NRXN1: variants seen among roughly 807,000 people sequenced by gnomAD.
NRXN1 encodes the protein neurexin 1.
Under a neutral mutation model 150.9 loss-of-function variants are expected in NRXN1, and 39 were observed. That is an observed-to-expected ratio of 0.26 (90% CI 0.20 to 0.34). The LOEUF is 0.34. NRXN1 is among the 10% of genes least tolerant of loss of function. NRXN1 has a pLI of 1.00. For synonymous variants in NRXN1, 924 were observed against 757.0 expected (o/e 1.22, Z -3.62); for missense variants, 1,815 against 1,949.9 (o/e 0.93, Z 1.30).
At chr2:50,338,882 C>T (rs1018753714) in intron 17 of NRXN1, among the ~76,000 whole-genome samples, 3 of 152,124 alleles carry the variant, frequency 2.0e-5, no homozygotes, top group Non-Finnish European at 4.4e-5. Context: ...ACTATCCACA[C>T]TTTAGATTTT....
At chr2:50,240,181 T>G (rs2065884209) in intron 17 of NRXN1, among the ~76,000 whole-genome samples, 1 of 151,724 alleles carries the variant, frequency 6.6e-6, no homozygotes, top group Non-Finnish European at 1.5e-5. Context: ...GACTTTACAG[T>G]TTTTTAGGTT....
intron 18 of NRXN1, among the ~76,000 whole-genome samples, chr2:50,120,569 G>T (rs1343411331): frequency 6.6e-6 from 1 of 152,076 alleles, no homozygotes; most frequent in Admixed American, 6.6e-5. Context: ...AACAGGAAAT[G>T]AAAGTACAAA....
At chr2:50,814,028 G>C (rs1234524353) in intron 5 of NRXN1, among the ~76,000 whole-genome samples, 2 of 152,090 alleles carry the variant, frequency 1.3e-5, no homozygotes, top group Non-Finnish European at 2.9e-5. Context: ...AAAAAATTGA[G>C]GGCAAAATTT....
intron 17 of NRXN1, among the ~76,000 whole-genome samples, chr2:50,428,789 C>T (rs1057097876): frequency 1.3e-5 from 2 of 152,168 alleles, no homozygotes; most frequent in African/African-American, 4.8e-5. Context: ...TTAATTTTCT[C>T]ATTTAATGTG....
chr2:50,302,516 C>G (rs2074250663), intron 17 of NRXN1, among the ~76,000 whole-genome samples: 1 of 152,156 alleles, frequency 6.6e-6, no homozygotes, highest in South Asian at 2.1e-4. Flanking sequence ...CAATTAATTG[C>G]TAAGACCAAT....
intron 5 of NRXN1, among the ~76,000 whole-genome samples, chr2:50,821,860 G>T (rs1317745174): frequency 6.6e-6 from 1 of 152,098 alleles, no homozygotes; most frequent in East Asian, 1.9e-4. Context: ...GCATCACTGG[G>T]CCAGGACAAA....
intron 17 of NRXN1, among the ~76,000 whole-genome samples, chr2:50,308,632 G>A (rs1353540757): frequency 6.6e-6 from 1 of 152,120 alleles, no homozygotes; most frequent in African/African-American, 2.4e-5. Context: ...AGGAGTACAG[G>A]CTTGAGCTAC....
At chr2:50,269,807 G>A (rs916521620) in intron 17 of NRXN1, among the ~76,000 whole-genome samples, 2 of 152,100 alleles carry the variant, frequency 1.3e-5, no homozygotes, top group Non-Finnish European at 2.9e-5. Flanking sequence ...CTAACATAGA[G>A]TTTAACATTG....
At chr2:50,672,284 A>G (rs577475693) in intron 5 of NRXN1, among the ~76,000 whole-genome samples, 2 of 151,376 alleles carry the variant, frequency 1.3e-5, no homozygotes, top group African/African-American at 4.8e-5. Flanking sequence ...GCCACAAATC[A>G]CAGTTAGTCC....
At chr2:49,976,631 A>C (rs1239277849) in intron 21 of NRXN1, among the ~76,000 whole-genome samples, 1 of 152,168 alleles carries the variant, frequency 6.6e-6, no homozygotes, top group Non-Finnish European at 1.5e-5. Context: ...TGTAAAGAAA[A>C]TAGTGTAGGT....
At chr2:50,808,507 T>C (rs537805896) in intron 5 of NRXN1, among the ~76,000 whole-genome samples, 9 of 151,938 alleles carry the variant, frequency 5.9e-5, no homozygotes, top group Non-Finnish European at 1.2e-4. Flanking sequence ...TAAGTTAAAA[T>C]TGATTGTACA....
At chr2:49,962,738 A>C in intron 21 of NRXN1, among the ~76,000 whole-genome samples, 1 of 152,158 alleles carries the variant, frequency 6.6e-6, no homozygotes, top group South Asian at 2.1e-4. Context: ...GTGGCTCATG[A>C]GGTCAGGAGA....
chr2:50,193,757 T>C (rs904660798), intron 18 of NRXN1, among the ~76,000 whole-genome samples: 3 of 152,158 alleles, frequency 2.0e-5, no homozygotes, highest in African/African-American at 7.2e-5. Context: ...ATTATTGGCA[T>C]AATTATATTC....
intron 5 of NRXN1, among the ~76,000 whole-genome samples, chr2:50,872,333 A>G (rs1355623381): frequency 1.3e-5 from 2 of 151,768 alleles, no homozygotes; most frequent in Non-Finnish European, 2.9e-5. Context: ...GGGCCCATCC[A>G]TCAGTCTGGT....
At chr2:50,589,253 G>C in intron 8 of NRXN1, 1 of 152,328 alleles carries the variant, frequency 6.6e-6, no homozygotes, top group East Asian at 1.9e-4. Context: ...TTGGTATTGA[G>C]ATATGGCAGG....
At chr2:50,138,654 T>A (rs1039664680) in intron 18 of NRXN1, among the ~76,000 whole-genome samples, 1 of 152,232 alleles carries the variant, frequency 6.6e-6, no homozygotes, top group Non-Finnish European at 1.5e-5. Flanking sequence ...CTTATTTTCC[T>A]TTCTCAATTA....
At chr2:50,979,727 G>C (rs959314983) in intron 2 of NRXN1, among the ~76,000 whole-genome samples, 1 of 152,052 alleles carries the variant, frequency 6.6e-6, no homozygotes, top group Non-Finnish European at 1.5e-5. Context: ...TACTTTCTCA[G>C]AAGAAAAGGA....
intron 17 of NRXN1, among the ~76,000 whole-genome samples, chr2:50,400,718 C>T (rs2082338043): frequency 6.6e-6 from 1 of 152,028 alleles, no homozygotes; most frequent in Admixed American, 6.6e-5. Flanking sequence ...AAAGTATCTG[C>T]TAGAATTCTG....
intron 2 of NRXN1, among the ~76,000 whole-genome samples, chr2:50,998,733 T>C (rs1043109164): frequency 6.6e-6 from 1 of 152,110 alleles, no homozygotes; most frequent in Admixed American, 6.6e-5. Flanking sequence ...CTTTTGTCAG[T>C]CAATTATTGA....
Sources: allele counts gnomAD v4.1 joint callset (sites outside exome capture counted in the v4.1 genomes callset), GRCh38; gene constraint gnomAD v4.1.1; transcripts MANE v1.5; gene names NCBI Gene and HGNC (gene_info 2026-07-23, HGNC 2026-07-21).